The following PDE1A variants were observed in gnomAD, a reference collection of about 807,000 sequenced individuals.
The protein encoded by PDE1A is dual specificity calcium/calmodulin-dependent 3',5'-cyclic nucleotide phosphodiesterase 1A.
Under a neutral mutation model 61.7 loss-of-function variants are expected in PDE1A, and 35 were observed. That is an observed-to-expected ratio of 0.57 (90% CI 0.43 to 0.75). The LOEUF (loss-of-function observed/expected upper bound fraction) is 0.75, where lower values mean the gene tolerates loss of function less well. Ranked by LOEUF, PDE1A falls within the 30% of genes least tolerant of loss-of-function variation. PDE1A has a pLI of 0.00. For synonymous variants in PDE1A, 232 were observed against 213.2 expected, an observed-to-expected ratio of 1.09 and a Z score of -0.77; for missense variants, 597 against 630.6, an observed-to-expected ratio of 0.95 and a Z score of 0.57.
chr2:182,222,173 C>G (rs1411054660), intron 7 of PDE1A, among the ~76,000 whole-genome samples: 1 of 151,894 alleles, frequency 6.6e-6, no homozygotes. Context: ...AATAGATAAA[C>G]AAACTATGGT....
Position 182,491,988 on chromosome 2 carries a change from G to C in PDE1A, c.101+30288C>G, listed in dbSNP as rs142918569. Among the ~76,000 whole-genome samples the C allele has an allele frequency of 3.9e-3, 589 of 152,192 alleles. 1 individual carries two copies. Among genetic ancestry groups the C allele is most frequent in the Non-Finnish European group, 4.5e-3 (306 of 68,014 alleles). On this transcript the variant is annotated intron_variant, in intron 2 of 14. Transcript: ENST00000410103. ...ATATGTTCGGCCCATTAAACTCCAT[G>C]CACTCATGACCTTTATTATTATTGC...
intron 1 of PDE1A, among the ~76,000 whole-genome samples, chr2:182,272,479 G>C (rs1208373980): frequency 6.6e-6 from 1 of 152,104 alleles, no homozygotes; most frequent in African/African-American, 2.4e-5. Context: ...AAGAATAAAG[G>C]CATTTTCAAA....
At chr2:182,267,176 A>G (rs746412250) in intron 1 of PDE1A, among the ~76,000 whole-genome samples, 8 of 152,126 alleles carry the variant, frequency 5.3e-5, no homozygotes, top group Admixed American at 6.6e-5. Flanking sequence ...TATAACTGAT[A>G]AGACTTGTGA....
the PDE1A span, among the ~76,000 whole-genome samples, chr2:182,677,491 G>C: frequency 3.9e-5 from 6 of 152,116 alleles, no homozygotes; most frequent in Non-Finnish European, 7.4e-5. Flanking sequence ...CAAATGATTC[G>C]ATGTTATTCC....
At chr2:182,697,686 T>C in the PDE1A span, among the ~76,000 whole-genome samples, 21 of 152,254 alleles carry the variant, frequency 1.4e-4, no homozygotes, top group African/African-American at 5.1e-4. Context: ...AAGAGAGGCC[T>C]ACTTTGTCAA....
intron 2 of PDE1A, among the ~76,000 whole-genome samples, chr2:182,450,194 T>G (rs1201830045): frequency 6.6e-6 from 1 of 152,074 alleles, no homozygotes; most frequent in Non-Finnish European, 1.5e-5. Flanking sequence ...CTGCCTTCTC[T>G]TTTATTCAAT....
At chr2:182,209,303 G>C (rs114735227) in intron 7 of PDE1A, among the ~76,000 whole-genome samples, 207 of 151,976 alleles carry the variant, frequency 1.4e-3, no homozygotes, top group African/African-American at 4.4e-3. Flanking sequence ...ATCAAATCTC[G>C]TGAGACTTAT....
chr2:182,228,639 T>A (rs1689325681), intron 6 of PDE1A, among the ~76,000 whole-genome samples: 1 of 152,184 alleles, frequency 6.6e-6, no homozygotes, highest in Admixed American at 6.6e-5. Context: ...TTCCAAAAAT[T>A]GTCAAGCTGA....
At chr2:182,498,740 C>G (rs553988963) in intron 2 of PDE1A, among the ~76,000 whole-genome samples, 2 of 151,688 alleles carry the variant, frequency 1.3e-5, no homozygotes, top group Non-Finnish European at 2.9e-5. Context: ...GTTAGGAGAT[C>G]GAGACCATCC....
At chr2:182,562,624 G>T in the PDE1A span, among the ~76,000 whole-genome samples, 3 of 152,080 alleles carry the variant, frequency 2.0e-5, no homozygotes, top group Non-Finnish European at 4.4e-5. Context: ...AGTTTCAGAA[G>T]GAATGGTACC....
At chr2:182,623,124 G>A in the PDE1A span, among the ~76,000 whole-genome samples, 84,245 of 151,972 alleles carry the variant, frequency 0.55, 23,771 homozygotes, top group Admixed American at 0.67. Context: ...GTTGACATCT[G>A]TAAATGCTTT....
chr2:182,338,061 T>G (rs557348209), intron 1 of PDE1A, among the ~76,000 whole-genome samples: 55 of 152,290 alleles, frequency 3.6e-4, no homozygotes, highest in African/African-American at 1.3e-3. Context: ...ATTAAAATAT[T>G]CTAATGCCAT....
At chr2:182,553,254 G>A in the PDE1A span, among the ~76,000 whole-genome samples, 2 of 152,178 alleles carry the variant, frequency 1.3e-5, no homozygotes, top group Admixed American at 1.3e-4. Context: ...CCACCATCTT[G>A]GAAGTGGCTC....
intron 6 of PDE1A, among the ~76,000 whole-genome samples, chr2:182,228,654 G>A (rs1233780668): frequency 6.6e-6 from 1 of 152,258 alleles, no homozygotes; most frequent in East Asian, 1.9e-4. Flanking sequence ...AGCTGACAGT[G>A]TAACCTAGTT....
At chr2:182,519,725 A>G (rs1690446466) in intron 2 of PDE1A, among the ~76,000 whole-genome samples, 1 of 152,026 alleles carries the variant, frequency 6.6e-6, no homozygotes, top group East Asian at 1.9e-4. Context: ...ATGTTATGTC[A>G]TATAACAATC....
chr2:182,624,037 A>G, the PDE1A span, among the ~76,000 whole-genome samples: 1 of 150,292 alleles, frequency 6.7e-6, no homozygotes, highest in Non-Finnish European at 1.5e-5. Context: ...AGGCAGGAGA[A>G]TGGCGTGAAC....
the PDE1A span, among the ~76,000 whole-genome samples, chr2:182,536,139 C>A: frequency 6.6e-6 from 1 of 152,278 alleles, no homozygotes; most frequent in Admixed American, 6.5e-5. Flanking sequence ...AGATTACAAT[C>A]TAAACTCACA....
At chr2:182,578,293 G>A in the PDE1A span, among the ~76,000 whole-genome samples, 1 of 151,780 alleles carries the variant, frequency 6.6e-6, no homozygotes, top group African/African-American at 2.4e-5. Context: ...TTCTTACAAA[G>A]CAAATTTAAG....
rs374524616 is a variant in PDE1A, at chr2:182,359,856, C to A, written c.53+66722G>T. 5.8e-4 allele frequency among the ~76,000 whole-genome samples: 89 copies of A among 152,244 alleles called. 1 individual carries two copies. The highest frequency in any genetic ancestry group is 2.1e-3 in the African/African-American group (86 of 41,568). ...CCAAACATTAGCCGGCAAAGAAGGG[C>A]AGGCTTATCTTGAGATTGCCAAGGA... On this transcript the variant is annotated intron_variant, in intron 1 of 13. Transcript: ENST00000351439.
Sources: gnomAD v4.1 joint callset for allele counts (sites outside exome capture counted in the v4.1 genomes callset) on GRCh38, gnomAD v4.1.1 for gene constraint, MANE v1.5 for transcripts, NCBI Gene and HGNC (gene_info 2026-07-23, HGNC 2026-07-21) for gene names.